ADCY7: variants seen among roughly 807,000 people sequenced by gnomAD.
The protein encoded by ADCY7 is adenylate cyclase 7, also known as adenylate cyclase type 7.
Under a neutral mutation model 120.6 loss-of-function variants are expected in ADCY7, and 72 were observed. The ratio of observed to expected loss-of-function variants is 0.60; its 90% CI spans 0.49 to 0.73. The LOEUF is 0.73. Ranked by LOEUF, ADCY7 falls within the 30% of genes least tolerant of loss-of-function variation. The pLI is 0.00. For missense variants in ADCY7, 1,227 were observed against 1,486.0 expected, an observed-to-expected ratio of 0.83 and a Z score of 2.87; for synonymous variants, 661 against 628.0, an observed-to-expected ratio of 1.05 and a Z score of -0.78.
chr16:50,310,193 G>C (rs1010877962), intron 18 of ADCY7, among the ~76,000 whole-genome samples: 22 of 152,196 alleles, frequency 1.4e-4, no homozygotes, highest in African/African-American at 5.3e-4. Flanking sequence ...GAGCAGTGGG[G>C]TTTTGGGTGG....
chr16:50,310,355 A>T, intron 18 of ADCY7: 1 of 1,031,170 alleles, frequency 9.7e-7, no homozygotes, highest in African/African-American at 1.6e-5. Context: ...AGCAGGGCAG[A>T]GGTCCTTTGG....
rs529713271 is a variant in ADCY7, at chr16:50,248,200, A to G, written c.-64+1997A>G. 9.8e-5 allele frequency among the ~76,000 whole-genome samples: 15 copies of G among 152,334 alleles called. No homozygotes were observed. The East Asian group carries it at 2.9e-3, about 29-fold the overall frequency. ...GCCTGGTGAGTGCCCGACCACGGGC[A>G]GCACACATTCCCTGCCCTTGCCCCG... On this transcript the variant is annotated intron_variant, in intron 1 of 4. Transcript: ENST00000564044.
chr16:50,312,149 AGCCCACGTGGCT>A lies in ADCY7; in HGVS notation c.2569_2580del (p.Val857_His860del). ...GCCTTCTTCTGGAGAACGTCCTGCC[AGCCCACGTGGCT>A]GCCCACTTTATCGGTGACAAGTTAA... is the stretch of plus-strand genomic sequence containing the variant. On this transcript the variant is annotated inframe_deletion, in exon 21 of 26. Transcript: ENST00000673801. 6.2e-7 allele frequency: 1 copy of A among 1,614,244 alleles called. No individual in the cohort carries two copies. Among genetic ancestry groups the A allele is most frequent in the Non-Finnish European group, 8.5e-7 (1 of 1,180,046 alleles).
chr16:50,256,422 G>T (rs2032919703), intron 1 of ADCY7, among the ~76,000 whole-genome samples: 1 of 152,178 alleles, frequency 6.6e-6, no homozygotes, highest in Admixed American at 6.5e-5. Context: ...GACAAGAGAA[G>T]CCAGGCGTGG....
At chr16:50,272,331 G>A (rs1160810175) in intron 1 of ADCY7, among the ~76,000 whole-genome samples, 2 of 152,162 alleles carry the variant, frequency 1.3e-5, no homozygotes, top group Non-Finnish European at 2.9e-5. Context: ...GGCTCTTCCT[G>A]CCCTCCAGGG....
Position 50,287,902 on chromosome 16 carries a change from G to A in ADCY7, c.-268-10G>A, listed in dbSNP as rs377145145. ...ATTAGGTCAAGTTCCTGTCTGCTTC[G>A]TCTCCGCAGAGCTGAGGAACTGCGT... On this transcript the variant is annotated splice_polypyrimidine_tract_variant and intron_variant, in intron 1 of 25. Coordinates refer to ENST00000673801, the MANE Select transcript of ADCY7 (RefSeq NM_001114.5). 3.0e-4 allele frequency: 113 copies of A among 374,842 alleles called. No homozygotes were observed. Among genetic ancestry groups the A allele is most frequent in the African/African-American group, 1.7e-3 (80 of 48,018 alleles). The allele number at this position is 374,842 out of a possible 1,614,324, so 23.2% of individuals were successfully genotyped here.
intron 1 of ADCY7, among the ~76,000 whole-genome samples, chr16:50,248,032 C>G (rs968506095): frequency 1.3e-5 from 2 of 152,162 alleles, no homozygotes; most frequent in Non-Finnish European, 2.9e-5. Context: ...CCCAAACGAC[C>G]AGTCCCATTT....
chr16:50,301,495 C>T (rs942669596), intron 10 of ADCY7, among the ~76,000 whole-genome samples: 1 of 152,250 alleles, frequency 6.6e-6, no homozygotes, highest in African/African-American at 2.4e-5. Flanking sequence ...CACGTCACAG[C>T]ATTCTATGTA....
chr16:50,303,959 TCAGGC>T (rs2035897375), intron 10 of ADCY7, among the ~76,000 whole-genome samples: 1 of 152,014 alleles, frequency 6.6e-6, no homozygotes, highest in Non-Finnish European at 1.5e-5. Context: ...TGATGGGTGC[TCAGGC>T]CCCAGGGACT....
intron 1 of ADCY7, among the ~76,000 whole-genome samples, chr16:50,252,440 TAGGCATTGTTTGTGTGCCTGGGC>T (rs1158332574): frequency 1.4e-4 from 21 of 151,018 alleles, no homozygotes; most frequent in African/African-American, 5.2e-4. Context: ...AGCCACTGGG[TAGGCATTGTTTGTGTGCCTGGGC>T]AGGCATTGTT....
chr16:50,284,659 G>T (rs562253125), intron 1 of ADCY7, among the ~76,000 whole-genome samples: 3 of 152,378 alleles, frequency 2.0e-5, no homozygotes, highest in African/African-American at 7.2e-5. Flanking sequence ...TGGGTTTGCT[G>T]TTTGTGTGCT....
At chr16:50,244,748 G>T (rs905992836), upstream of ADCY7, among the ~76,000 whole-genome samples, 1 of 152,232 alleles carries the variant, frequency 6.6e-6, no homozygotes, top group African/African-American at 2.4e-5. Context: ...CAGCTGCTCA[G>T]ATCTTCCCGG....
chr16:50,312,910 T>A lies in ADCY7; in HGVS notation c.2625T>A (p.Tyr875Ter). 6.2e-7 allele frequency: 1 copy of A among 1,614,196 alleles called. No individual in the cohort carries two copies. Among genetic ancestry groups the A allele is most frequent in the South Asian group, 1.1e-5 (1 of 91,084 alleles). The change falls in exon 22 of 26, where the codon TAT (tyrosine) becomes TAA (stop). Residue 875 changes from tyrosine (Y) to a stop codon, truncating the protein, a stop_gained. Coordinates refer to ENST00000673801, the MANE Select transcript of ADCY7 (RefSeq NM_001114.5). LOFTEE classifies it high-confidence loss of function. ...TCCAGGACTGGTACCATCAGTCCTA[T>A]GACTGCGTCTGTGTCATGTTTGCCT... Reference protein sequence around the residue: ...KLNEDWYHQSYDCVCVMFASV... With the variant: ...KLNEDWYHQS
intron 22 of ADCY7, chr16:50,313,713 GC>G (rs2036617077): frequency 1.9e-6 from 1 of 530,556 alleles, no homozygotes; most frequent in East Asian, 3.0e-5. Flanking sequence ...TTTGCTCTGT[GC>G]AGACACAGAT....
chr16:50,266,051 G>A (rs1024841048), upstream of ADCY7, among the ~76,000 whole-genome samples: 2 of 152,230 alleles, frequency 1.3e-5, no homozygotes, highest in East Asian at 1.9e-4. Flanking sequence ...GCATGGGAGC[G>A]TAGGTGAGAT....
chr16:50,310,505 A>C (rs897977515), intron 18 of ADCY7, 182 bp from the exon 19 acceptor site: 19 of 1,537,992 alleles, frequency 1.2e-5, no homozygotes, highest in Admixed American at 3.9e-5. Flanking sequence ...ATAAGAAATA[A>C]AACTACAGTG....
chr16:50,306,563 T>G (rs1244336713), intron 14 of ADCY7, among the ~76,000 whole-genome samples: 1 of 53,024 alleles, frequency 1.9e-5, no homozygotes, highest in Non-Finnish European at 3.3e-5. Flanking sequence ...CGATGGTGCC[T>G]GGGTGGGAGT....
At chr16:50,260,317 G>T (rs1276906931) in intron 1 of ADCY7, among the ~76,000 whole-genome samples, 1 of 152,224 alleles carries the variant, frequency 6.6e-6, no homozygotes, top group Non-Finnish European at 1.5e-5. Flanking sequence ...CAGGGAGGGT[G>T]CTGCATGAAT....
At position 50,314,266 on chromosome 16, in the gene ADCY7, GATCTGA is replaced by G. The variant is rs1431269210; in HGVS notation, c.2857-25_2857-20del. ...GGTCTGGGGGCTCTGGAGATGCAAG[GATCTGA>G]CCCACAGCCTGTCCCGCAGGAGCTG... is the stretch of plus-strand genomic sequence containing the variant. On this transcript the variant is annotated intron_variant, in intron 23 of 25. Coordinates refer to ENST00000673801, the MANE Select transcript of ADCY7 (RefSeq NM_001114.5). 6.2e-7 allele frequency: 1 copy of G among 1,607,152 alleles called. No individual in the cohort carries two copies. The highest frequency in any genetic ancestry group is 1.3e-5 in the African/African-American group (1 of 74,782).
Sources: allele counts gnomAD v4.1 joint callset (sites outside exome capture counted in the v4.1 genomes callset), GRCh38; gene constraint gnomAD v4.1.1; transcripts MANE v1.5; gene names NCBI Gene and HGNC (gene_info 2026-07-23, HGNC 2026-07-21).